Variants in KLHL14 observed in about 807,000 individuals in gnomAD.
KLHL14 encodes kelch-like protein 14.
In KLHL14, 22 loss-of-function variants were observed where a neutral mutation model predicts 64.3. The ratio of observed to expected loss-of-function variants is 0.34; its 90% CI spans 0.24 to 0.49. The LOEUF is 0.49. KLHL14 is among the 20% of genes least tolerant of loss of function. KLHL14 has a pLI of 0.99. For synonymous variants in KLHL14, 322 were observed against 333.4 expected (o/e 0.97, Z 0.37); for missense variants, 661 against 789.0 (o/e 0.84, Z 1.94).
intron 3 of KLHL14, among the ~76,000 whole-genome samples, chr18:32,716,542 G>C (rs551072204): frequency 9.5e-4 from 144 of 152,254 alleles, no homozygotes; most frequent in African/African-American, 3.3e-3. Context: ...AGCCTCCTGA[G>C]TAGCTGGGAT....
chr18:32,738,480 C>A (rs575299547), intron 3 of KLHL14: 1 of 151,984 alleles, frequency 6.6e-6, no homozygotes, highest in Non-Finnish European at 1.5e-5. Flanking sequence ...TATTAACAGG[C>A]GAGAGAACAA....
intron 3 of KLHL14, among the ~76,000 whole-genome samples, chr18:32,712,571 T>C (rs1598559437): frequency 6.6e-6 from 1 of 152,212 alleles, no homozygotes; most frequent in Non-Finnish European, 1.5e-5. Flanking sequence ...AGATCTCTCC[T>C]ATCAGCAGGG....
chr18:32,770,387 C>T lies in KLHL14; in HGVS notation c.205G>A (p.Gly69Arg). 1.3e-6 allele frequency: 2 copies of T among 1,594,282 alleles called. No homozygotes were observed. The highest frequency in any genetic ancestry group is 1.7e-6 in the Non-Finnish European group (2 of 1,169,258). The change falls in exon 2 of 9, where the codon GGG becomes AGG. Residue 69 changes from glycine (G) to arginine (R), a missense_variant. By Grantham distance (125) the Gly-to-Arg change is moderately radical (BLOSUM62 -2). Around this residue, in one of 2 missense-constraint regions of KLHL14, gnomAD observed 331 missense variants for 339.0 expected, o/e 0.98. Coordinates refer to ENST00000359358, the MANE Select transcript of KLHL14 (RefSeq NM_020805.3). The surrounding 1 kb of genome is among the most constrained non-coding windows in gnomAD (Gnocchi z 6.7). ...RSLFSSHPPLGGGVGGQDGLG... is the reference protein window; with the variant it reads ...RSLFSSHPPLRGGVGGQDGLG... ...CCGTCCTGGCCGCCGACCCCTCCCCCGAGAGGGGGGTGGCTGGAGAAGAGC... is the reference window on the plus strand; with the variant it reads ...CCGTCCTGGCCGCCGACCCCTCCCCTGAGAGGGGGGTGGCTGGAGAAGAGC...
At chr18:32,768,390 G>GATACACAC (rs1555667330) in intron 2 of KLHL14, among the ~76,000 whole-genome samples, 1 of 141,588 alleles carries the variant, frequency 7.1e-6, no homozygotes, top group African/African-American at 2.7e-5. Flanking sequence ...GAAACATAAT[G>GATACACAC]ACACACACAC....
intron 2 of KLHL14, among the ~76,000 whole-genome samples, chr18:32,768,103 C>A (rs74923343): frequency 1.3e-5 from 2 of 152,086 alleles, no homozygotes; most frequent in Non-Finnish European, 2.9e-5. Flanking sequence ...AATAAAAATA[C>A]GTTTCATGTT....
At chr18:32,693,413 CAGAG>C (rs56135629) in intron 4 of KLHL14, among the ~76,000 whole-genome samples, 4,620 of 96,646 alleles carry the variant, frequency 0.048, 118 homozygotes, top group Non-Finnish European at 0.058. Context: ...CACACACACA[CAGAG>C]AGAGAGAGAG....
At chr18:32,688,354 C>A (rs1490066913) in intron 4 of KLHL14, among the ~76,000 whole-genome samples, 1 of 152,180 alleles carries the variant, frequency 6.6e-6, no homozygotes, top group Non-Finnish European at 1.5e-5. Context: ...AAGCACCTAG[C>A]ACCTACTGTG....
intron 3 of KLHL14, among the ~76,000 whole-genome samples, chr18:32,730,869 A>C (rs906371574): frequency 6.6e-6 from 1 of 152,226 alleles, no homozygotes; most frequent in Non-Finnish European, 1.5e-5. Context: ...CTTAATGACC[A>C]AACAAGGCAG....
intron 2 of KLHL14, chr18:32,743,586 C>T (rs2050209899): frequency 6.6e-6 from 1 of 152,222 alleles, no homozygotes. Context: ...TTAATTTTGC[C>T]ACTCTGTGGA....
intron 2 of KLHL14, among the ~76,000 whole-genome samples, chr18:32,768,861 C>T (rs1473121049): frequency 5.3e-5 from 8 of 152,204 alleles, no homozygotes; most frequent in Non-Finnish European, 1.0e-4. Flanking sequence ...TGAGCAGGCA[C>T]ACAGACCAAC....
At chr18:32,725,628 G>A (rs1407937778) in intron 3 of KLHL14, among the ~76,000 whole-genome samples, 1 of 152,210 alleles carries the variant, frequency 6.6e-6, no homozygotes, top group African/African-American at 2.4e-5. Flanking sequence ...TCTGCGGAAT[G>A]TGTCCTGTGA....
chr18:32,702,730 A>C (rs937700302), intron 3 of KLHL14, among the ~76,000 whole-genome samples: 2 of 146,504 alleles, frequency 1.4e-5, no homozygotes, highest in Non-Finnish European at 3.1e-5. Flanking sequence ...TGGAAAGTTT[A>C]ACTCTGTAAG....
intron 2 of KLHL14, among the ~76,000 whole-genome samples, chr18:32,767,156 A>G (rs2050350804): frequency 6.6e-6 from 1 of 152,214 alleles, no homozygotes; most frequent in Non-Finnish European, 1.5e-5. Context: ...TGGTTAACAC[A>G]TTTATCCCCG....
chr18:32,683,888 C>T lies in KLHL14; in HGVS notation c.1238+3267G>A, dbSNP rs1479312788. Among the ~76,000 whole-genome samples, 1 of 152,032 alleles carries T rather than the reference C, an allele frequency of 6.6e-6. No individual in the cohort carries two copies. Among genetic ancestry groups the T allele is most frequent in the African/African-American group, 2.4e-5 (1 of 41,390 alleles). Reference sequence around the variant, plus strand: ...GATATGTTAGAAAGAATATTGTCTCCCATTGTTTCTTGTAACACAAAATAT... The same window carrying T: ...GATATGTTAGAAAGAATATTGTCTCTCATTGTTTCTTGTAACACAAAATAT... On this transcript the variant is annotated intron_variant, in intron 5 of 8. Transcript: ENST00000359358. This position sits in a 1 kb window ranked among gnomAD's most constrained non-coding sequence, Gnocchi z 4.2.
intron 2 of KLHL14, among the ~76,000 whole-genome samples, chr18:32,756,037 C>T (rs9954994): frequency 0.071 from 10,878 of 152,146 alleles, 1,306 homozygotes; most frequent in African/African-American, 0.24. Context: ...GGCTTTGTTA[C>T]GGACCAAACT....
At chr18:32,682,630 A>G (rs1343816442) in intron 5 of KLHL14, among the ~76,000 whole-genome samples, 1 of 152,232 alleles carries the variant, frequency 6.6e-6, no homozygotes, top group Non-Finnish European at 1.5e-5. Flanking sequence ...ATATAAAATA[A>G]AATTTCAAAG....
chr18:32,733,985 C>T (rs1007398149), intron 3 of KLHL14: 6 of 591,878 alleles, frequency 1.0e-5, no homozygotes, highest in Non-Finnish European at 1.8e-5. Context: ...AGAGGAGTCT[C>T]AAATCAGCTT....
At chr18:32,727,442 T>G (rs1014058182) in intron 3 of KLHL14, among the ~76,000 whole-genome samples, 15 of 152,032 alleles carry the variant, frequency 9.9e-5, no homozygotes, top group African/African-American at 3.6e-4. Context: ...CCATCATGGA[T>G]TGTCTTTGGA....
rs2049790798 is a variant in KLHL14 at position 32,672,725 on chromosome 18, T to C, written c.*1932A>G. The C allele has an allele frequency of 6.5e-6, 1 of 152,674 alleles. No homozygotes were observed. The highest frequency in any genetic ancestry group is 1.5e-5 in the Non-Finnish European group (1 of 68,046). The allele number at this position is 152,674 out of a possible 1,614,324, so 9.5% of individuals were successfully genotyped here. ...TTTCCCCTTCCAAGCAAGCTTCATT[T>C]ACACATTCTAATACTGTACAAAATT... On this transcript the variant is annotated 3_prime_UTR_variant, in exon 9 of 9. Coordinates refer to ENST00000359358, the MANE Select transcript of KLHL14 (RefSeq NM_020805.3).
Sources: gnomAD v4.1 joint callset for allele counts (sites outside exome capture counted in the v4.1 genomes callset) on GRCh38, gnomAD v4.1.1 for gene constraint, gnomAD v4.1.1 regional missense constraint, Gnocchi (gnomAD v3.1) non-coding constraint, MANE v1.5 for transcripts, NCBI Gene and HGNC (gene_info 2026-07-23, HGNC 2026-07-21) for gene names.